The following SNX25 variants were observed in gnomAD, a reference collection of about 807,000 sequenced individuals.
The protein encoded by SNX25 is sorting nexin-25.
A neutral mutation model predicts 113.7 loss-of-function variants in SNX25; 62 were observed. The observed-to-expected ratio is 0.55, with a 90% CI of 0.44 to 0.67. SNX25 has a LOEUF of 0.67. Among genes scored for constraint, SNX25 ranks in the 30% least tolerant of loss-of-function variants. The pLI is 0.00. For missense variants in SNX25, 1,014 were observed against 1,161.0 expected (o/e 0.87, Z 1.84); for synonymous variants, 421 against 436.2 (o/e 0.97, Z 0.43).
downstream of SNX25, among the ~76,000 whole-genome samples, chr4:185,372,085 G>A (rs1260726722): frequency 6.6e-6 from 1 of 152,178 alleles, no homozygotes; most frequent in African/African-American, 2.4e-5. Flanking sequence ...TAGATATAGT[G>A]TCAGTCTTTT....
chr4:185,354,205 G>C (rs1473520078), intron 15 of SNX25, among the ~76,000 whole-genome samples: 1 of 152,076 alleles, frequency 6.6e-6, no homozygotes, highest in Non-Finnish European at 1.5e-5. Flanking sequence ...TATGTGACTT[G>C]GCATAGCTTC....
chr4:185,327,211 A>G (rs1389980350), intron 9 of SNX25, among the ~76,000 whole-genome samples: 1 of 152,208 alleles, frequency 6.6e-6, no homozygotes, highest in African/African-American at 2.4e-5. Flanking sequence ...ATTATGTACT[A>G]GGTGGAGAGC....
At chr4:185,236,094 A>G (rs760897726) in intron 1 of SNX25, among the ~76,000 whole-genome samples, 7 of 152,224 alleles carry the variant, frequency 4.6e-5, no homozygotes, top group Admixed American at 2.0e-4. Flanking sequence ...AAATAAACTT[A>G]TCTAGATAAA....
chr4:185,243,015 CTG>C (rs1351650307), intron 1 of SNX25, among the ~76,000 whole-genome samples: 1 of 152,088 alleles, frequency 6.6e-6, no homozygotes, highest in Non-Finnish European at 1.5e-5. Context: ...GAAAAAAGAA[CTG>C]TTTTCTTTCT....
intron 8 of SNX25, 38 bp from the exon 9 acceptor site, chr4:185,323,490 G>A: frequency 6.4e-7 from 1 of 1,561,824 alleles, no homozygotes; most frequent in Non-Finnish European, 8.7e-7. Flanking sequence ...TCTCAGAGAT[G>A]ATATGTCTTA....
At chr4:185,325,457 C>T (rs1048531052) in intron 9 of SNX25, among the ~76,000 whole-genome samples, 7 of 148,070 alleles carry the variant, frequency 4.7e-5, no homozygotes, top group Non-Finnish European at 8.9e-5. Context: ...CACTTGAACC[C>T]GCGAGGCAGA....
chr4:185,376,331 GCAGTGGCACGATCT>G, the SNX25 span, among the ~76,000 whole-genome samples: 1 of 152,120 alleles, frequency 6.6e-6, no homozygotes, highest in Non-Finnish European at 1.5e-5. Flanking sequence ...AGGCTGGAGT[GCAGTGGCACGATCT>G]CAGCTCACTG....
At chr4:185,286,882 A>G (rs973451386) in intron 5 of SNX25, among the ~76,000 whole-genome samples, 6 of 152,228 alleles carry the variant, frequency 3.9e-5, no homozygotes, top group Non-Finnish European at 5.9e-5. Flanking sequence ...AGCTATGACT[A>G]AGATAAATTT....
At chr4:185,328,110 C>T (rs1420735349) in intron 9 of SNX25, among the ~76,000 whole-genome samples, 1 of 152,136 alleles carries the variant, frequency 6.6e-6, no homozygotes, top group East Asian at 1.9e-4. Context: ...ATAGACATTG[C>T]ACACAACACA....
At chr4:185,345,441 G>A (rs1191648306) in intron 12 of SNX25, among the ~76,000 whole-genome samples, 1 of 152,140 alleles carries the variant, frequency 6.6e-6, no homozygotes. Flanking sequence ...CAAAGGGTGC[G>A]CTCTTCGTAC....
chr4:185,346,188 A>G (rs1392927185), intron 12 of SNX25, among the ~76,000 whole-genome samples: 1 of 152,220 alleles, frequency 6.6e-6, no homozygotes, highest in African/African-American at 2.4e-5. Flanking sequence ...AGCTTTTTAC[A>G]GAGATGTTAA....
chr4:185,306,503 C>T (rs1754492305), intron 6 of SNX25, among the ~76,000 whole-genome samples: 1 of 152,156 alleles, frequency 6.6e-6, no homozygotes, highest in Non-Finnish European at 1.5e-5. Flanking sequence ...GAATTTTCTT[C>T]TAGGTTTTGT....
At chr4:185,376,444 T>C in the SNX25 span, among the ~76,000 whole-genome samples, 2 of 60,974 alleles carry the variant, frequency 3.3e-5, no homozygotes, top group African/African-American at 2.4e-4. Context: ...GCCCAGCTAC[T>C]TTTTTTTTTT....
intron 4 of SNX25, 99 bp downstream of exon 4, chr4:185,264,709 T>C (rs1271628585): frequency 1.1e-5 from 15 of 1,304,580 alleles, no homozygotes; most frequent in Non-Finnish European, 1.6e-5. Context: ...ATTTGAAGTA[T>C]TTTCAAAATC....
intron 6 of SNX25, among the ~76,000 whole-genome samples, chr4:185,308,727 C>G (rs535698908): frequency 1.3e-5 from 2 of 152,184 alleles, no homozygotes; most frequent in East Asian, 3.9e-4. Context: ...TTACGATCTC[C>G]CTTGTCAGCT....
Position 185,360,930 on chromosome 4 carries a change from A to ATATATATAT in SNX25, c.2652-994_2652-993insTATATATAT, listed in dbSNP as rs1491260048. Among the ~76,000 whole-genome samples the ATATATATAT allele has an allele frequency of 4.0e-3, 559 of 139,616 alleles. 3 individuals carry two copies. The highest frequency in any genetic ancestry group is 0.014 in the African/African-American group (527 of 36,692). The allele number at this position is 139,616 out of a possible 152,430, so 91.6% of individuals were successfully genotyped here. A position where few individuals can be genotyped will look rare whatever the true frequency, so the allele number is the denominator to read the frequency against. ...CGAGACTCCGTCTCAAAAAAAAAATAATATATATATATATATATATATAGA... is the reference window on the plus strand; with the variant it reads ...CGAGACTCCGTCTCAAAAAAAAAATATATATATATATATATATATATATATATATATAGA... On this transcript the variant is annotated intron_variant, in intron 16 of 18. Coordinates refer to ENST00000652585, the MANE Select transcript of SNX25 (RefSeq NM_001378034.2).
intron 1 of SNX25, among the ~76,000 whole-genome samples, chr4:185,246,487 G>A (rs1184455165): frequency 6.6e-6 from 1 of 152,086 alleles, no homozygotes; most frequent in Admixed American, 6.6e-5. Context: ...AATAAAAAAG[G>A]GGATTGCATT....
chr4:185,360,718 G>T (rs577786632), intron 16 of SNX25, among the ~76,000 whole-genome samples: 105 of 152,094 alleles, frequency 6.9e-4, no homozygotes, highest in African/African-American at 2.2e-3. Flanking sequence ...GGAGGCCGAG[G>T]TGGGCCAATC....
intron 6 of SNX25, among the ~76,000 whole-genome samples, chr4:185,300,856 C>T (rs1753573544): frequency 1.3e-5 from 2 of 151,776 alleles, no homozygotes; most frequent in South Asian, 4.2e-4. Flanking sequence ...CACACACACA[C>T]ACACACACAC....
Sources: gnomAD v4.1 joint callset for allele counts (sites outside exome capture counted in the v4.1 genomes callset) on GRCh38, gnomAD v4.1.1 for gene constraint, MANE v1.5 for transcripts, NCBI Gene and HGNC (gene_info 2026-07-23, HGNC 2026-07-21) for gene names.